The following PDE1A variants were observed in gnomAD, a reference collection of about 807,000 sequenced individuals.
PDE1A encodes the protein phosphodiesterase 1A.
Under a neutral mutation model 61.7 loss-of-function variants are expected in PDE1A, and 35 were observed. The ratio of observed to expected loss-of-function variants is 0.57; its 90% CI spans 0.43 to 0.75. The LOEUF (loss-of-function observed/expected upper bound fraction) is 0.75. Ranked by LOEUF, PDE1A falls within the 30% of genes least tolerant of loss-of-function variation. PDE1A has a pLI of 0.00. For synonymous variants in PDE1A, 232 were observed against 213.2 expected, an observed-to-expected ratio of 1.09 and a Z score of -0.77; for missense variants, 597 against 630.6, an observed-to-expected ratio of 0.95 and a Z score of 0.57.
rs564921961 is a variant in PDE1A at position 182,167,965 on chromosome 2, G to C, written c.*282C>G. ...GCTCAAAGAAAATTTATTGGCACTC[G>C]GTAAAGACAAATGCCACAAAATGCC... On this transcript the variant is annotated 3_prime_UTR_variant, in exon 14 of 14. Transcript: ENST00000351439. 3.4e-6 allele frequency: 4 copies of C among 1,178,782 alleles called. No individual in the cohort carries two copies. In the South Asian group the frequency reaches 1.7e-4, roughly 51 times the overall value. 73.0% of individuals were successfully genotyped at this position (1,178,782 alleles called of 1,614,324 possible). A position where few individuals can be genotyped will look rare whatever the true frequency, so the allele number is the denominator to read the frequency against.
At chr2:182,288,004 G>A (rs1694278761) in intron 1 of PDE1A, among the ~76,000 whole-genome samples, 1 of 151,934 alleles carries the variant, frequency 6.6e-6, no homozygotes, top group African/African-American at 2.4e-5. Flanking sequence ...TGTATTACAT[G>A]GCATTTAAAA....
chr2:182,657,050 C>G, the PDE1A span, among the ~76,000 whole-genome samples: 1 of 152,104 alleles, frequency 6.6e-6, no homozygotes, highest in Admixed American at 6.5e-5. Context: ...TGGTGAAACC[C>G]CCTCTCTACT....
At chr2:182,325,858 G>T (rs1697009316) in intron 1 of PDE1A, among the ~76,000 whole-genome samples, 1 of 152,182 alleles carries the variant, frequency 6.6e-6, no homozygotes, top group Middle Eastern at 3.2e-3. Context: ...GGCAGAGATT[G>T]CAGTGAGTTG....
chr2:182,666,620 A>C, the PDE1A span, among the ~76,000 whole-genome samples: 10 of 152,132 alleles, frequency 6.6e-5, no homozygotes, highest in Admixed American at 6.6e-4. Flanking sequence ...AAAAAAAAAA[A>C]AAATTATAGA....
chr2:182,658,073 C>CAAAACAA, the PDE1A span, among the ~76,000 whole-genome samples: 16 of 119,558 alleles, frequency 1.3e-4, no homozygotes, highest in African/African-American at 5.4e-4. Context: ...AAAAAAAAAA[C>CAAAACAA]AAAAAAACTT....
intron 2 of PDE1A, among the ~76,000 whole-genome samples, chr2:182,437,854 T>C (rs1684539239): frequency 6.6e-6 from 1 of 151,926 alleles, no homozygotes; most frequent in Non-Finnish European, 1.5e-5. Flanking sequence ...GTGATAAGCA[T>C]CAAGTGTATT....
intron 10 of PDE1A, among the ~76,000 whole-genome samples, 190 bp downstream of exon 10, chr2:182,201,249 T>C (rs1056064384): frequency 1.3e-5 from 2 of 152,176 alleles, no homozygotes; most frequent in South Asian, 4.1e-4. Flanking sequence ...CTTTAAAACA[T>C]GTATCACACT....
At chr2:182,276,705 T>C (rs560337722) in intron 1 of PDE1A, among the ~76,000 whole-genome samples, 2 of 152,198 alleles carry the variant, frequency 1.3e-5, no homozygotes, top group Non-Finnish European at 2.9e-5. Context: ...AATACAGCCA[T>C]ATTTTTCTTC....
intron 1 of PDE1A, among the ~76,000 whole-genome samples, chr2:182,306,600 A>C (rs893472634): frequency 1.3e-5 from 2 of 152,152 alleles, no homozygotes; most frequent in African/African-American, 4.8e-5. Context: ...ACAGCATGGG[A>C]CTGGCATAAA....
chr2:182,301,641 G>A (rs1695251112), intron 1 of PDE1A, among the ~76,000 whole-genome samples: 1 of 152,188 alleles, frequency 6.6e-6, no homozygotes, highest in Non-Finnish European at 1.5e-5. Context: ...CAGTGAGTAT[G>A]CTGACACAAA....
the PDE1A span, among the ~76,000 whole-genome samples, chr2:182,666,957 A>G: frequency 6.6e-6 from 1 of 152,148 alleles, no homozygotes; most frequent in Admixed American, 6.6e-5. Context: ...CAGTCCTGCT[A>G]GTAAGTCACC....
Position 182,223,849 on chromosome 2 carries a change from C to T in PDE1A, c.776+15G>A, listed in dbSNP as rs1020074628. 1 of 1,463,468 alleles carries T rather than the reference C, an allele frequency of 6.8e-7. No individual in the cohort carries two copies. Among genetic ancestry groups the T allele is most frequent in the South Asian group, 1.3e-5 (1 of 78,704 alleles). 90.7% of individuals were successfully genotyped at this position (1,463,468 alleles called of 1,614,324 possible). ...AAATTTTAACTAATGAAAGTTAATA[C>T]TTTTTCAGACTTACCTTGTCTGAAT... On this transcript the variant is annotated intron_variant, in intron 7 of 13. Coordinates refer to ENST00000351439, the Ensembl canonical transcript of PDE1A.
At chr2:182,600,766 T>C in the PDE1A span, among the ~76,000 whole-genome samples, 1 of 152,336 alleles carries the variant, frequency 6.6e-6, no homozygotes, top group African/African-American at 2.4e-5. Context: ...TGTGGTAGAC[T>C]GTTTGCAAGT....
chr2:182,599,084 G>C, the PDE1A span, among the ~76,000 whole-genome samples: 1 of 152,196 alleles, frequency 6.6e-6, no homozygotes, highest in African/African-American at 2.4e-5. Flanking sequence ...AGCTCCGCAG[G>C]TGTCGCTGCA....
chr2:182,564,640 C>A, the PDE1A span, among the ~76,000 whole-genome samples: 20 of 152,150 alleles, frequency 1.3e-4, no homozygotes, highest in African/African-American at 4.3e-4. Flanking sequence ...TAATATACTG[C>A]AGAGTGTTTT....
chr2:182,487,361 G>A (rs550753858), intron 2 of PDE1A, among the ~76,000 whole-genome samples: 3 of 152,236 alleles, frequency 2.0e-5, no homozygotes, highest in East Asian at 1.9e-4. Flanking sequence ...AGCAGCTTAC[G>A]AATGGATTAA....
chr2:182,391,409 A>C (rs1338175186), intron 1 of PDE1A, among the ~76,000 whole-genome samples: 1 of 152,148 alleles, frequency 6.6e-6, no homozygotes, highest in East Asian at 1.9e-4. Flanking sequence ...GAAATGCCTG[A>C]TCTCCCTTGG....
the PDE1A span, among the ~76,000 whole-genome samples, chr2:182,598,016 G>A: frequency 2.3e-3 from 347 of 152,278 alleles, no homozygotes; most frequent in African/African-American, 7.7e-3. Context: ...AAATTTAAGC[G>A]ACTAAGTCAG....
downstream of PDE1A, among the ~76,000 whole-genome samples, chr2:182,163,514 CAT>C (rs1369567852): frequency 1.3e-5 from 2 of 152,134 alleles, no homozygotes; most frequent in Admixed American, 1.3e-4. Context: ...ATTGGCAAGA[CAT>C]GTGCATTGTC....
Sources: gnomAD v4.1 joint callset for allele counts (sites outside exome capture counted in the v4.1 genomes callset) on GRCh38, gnomAD v4.1.1 for gene constraint, MANE v1.5 for transcripts, NCBI Gene and HGNC (gene_info 2026-07-23, HGNC 2026-07-21) for gene names.